The following CCSER1 variants were observed in gnomAD, a reference collection of about 807,000 sequenced individuals.
The protein encoded by CCSER1 is serine-rich coiled-coil domain-containing protein 1.
CCSER1 carries 41 observed loss-of-function variants against 82.0 expected under a neutral mutation model. That is an observed-to-expected ratio of 0.50 (90% CI 0.39 to 0.65). CCSER1 has a LOEUF of 0.65. Among genes scored for constraint, CCSER1 ranks in the 30% least tolerant of loss-of-function variants. The pLI, the probability that CCSER1 is intolerant of heterozygous loss-of-function variation, is 0.00. For synonymous variants in CCSER1, 414 were observed against 383.9 expected, an observed-to-expected ratio of 1.08 and a Z score of -0.92; for missense variants, 1,119 against 1,064.2, an observed-to-expected ratio of 1.05 and a Z score of -0.72.
At chr4:91,391,055 GT>G (rs1751615002) in intron 10 of CCSER1, among the ~76,000 whole-genome samples, 1 of 151,098 alleles carries the variant, frequency 6.6e-6, no homozygotes, top group African/African-American at 2.4e-5. Flanking sequence ...TCTATTTCCT[GT>G]TTTAAGTTAT....
At chr4:91,154,617 C>T (rs188751670) in intron 10 of CCSER1, among the ~76,000 whole-genome samples, 106 of 152,152 alleles carry the variant, frequency 7.0e-4, no homozygotes, top group African/African-American at 2.3e-3. Flanking sequence ...GCATCACTCA[C>T]GCTGGGAGCT....
intron 6 of CCSER1, chr4:90,641,850 T>A (rs1726586575): frequency 4.4e-6 from 1 of 228,380 alleles, no homozygotes. Flanking sequence ...TGTACCTAAC[T>A]GGTGTGGTAA....
intron 8 of CCSER1, among the ~76,000 whole-genome samples, chr4:90,903,907 A>G (rs1260845706): frequency 5.9e-5 from 9 of 152,134 alleles, no homozygotes; most frequent in South Asian, 2.1e-4. Flanking sequence ...ATAGACATAC[A>G]TGAATTTTTA....
At chr4:91,289,764 C>A (rs1252666334) in intron 10 of CCSER1, among the ~76,000 whole-genome samples, 2 of 151,760 alleles carry the variant, frequency 1.3e-5, no homozygotes, top group African/African-American at 4.8e-5. Flanking sequence ...TAATTGAAAT[C>A]CCAATGGAAG....
intron 10 of CCSER1, among the ~76,000 whole-genome samples, chr4:91,504,726 T>C (rs1217636275): frequency 6.6e-6 from 1 of 150,442 alleles, no homozygotes; most frequent in Non-Finnish European, 1.5e-5. Flanking sequence ...TAATAGTTAT[T>C]TAGCCAATAG....
chr4:91,117,718 C>T (rs1366927039), intron 10 of CCSER1, among the ~76,000 whole-genome samples: 1 of 152,116 alleles, frequency 6.6e-6, no homozygotes, highest in Non-Finnish European at 1.5e-5. Context: ...TGATTAAGAG[C>T]ATCAGTTTTG....
intron 6 of CCSER1, among the ~76,000 whole-genome samples, chr4:90,701,397 T>C (rs937378594): frequency 4.6e-5 from 7 of 152,220 alleles, no homozygotes; most frequent in African/African-American, 1.7e-4. Context: ...CCTTATAGTA[T>C]AGTTTGATAT....
intron 8 of CCSER1, among the ~76,000 whole-genome samples, chr4:90,919,064 A>C (rs542561263): frequency 1.4e-5 from 2 of 144,668 alleles, no homozygotes; most frequent in African/African-American, 5.2e-5. Flanking sequence ...GGTAAATCTT[A>C]AGTAATCTTA....
chr4:90,214,297 CTA>C (rs1169962692), intron 1 of CCSER1, among the ~76,000 whole-genome samples: 1 of 151,968 alleles, frequency 6.6e-6, no homozygotes, highest in African/African-American at 2.4e-5. Context: ...CAAAATGCTT[CTA>C]TGTTTTCAGT....
chr4:91,396,169 T>C (rs1751968366), intron 10 of CCSER1, among the ~76,000 whole-genome samples: 1 of 152,138 alleles, frequency 6.6e-6, no homozygotes, highest in South Asian at 2.1e-4. Context: ...TATGCAGTTA[T>C]TATTGACCTG....
At chr4:90,619,157 A>G (rs2083201934) in intron 5 of CCSER1, among the ~76,000 whole-genome samples, 1 of 151,950 alleles carries the variant, frequency 6.6e-6, no homozygotes, top group African/African-American at 2.4e-5. Flanking sequence ...CTACAATGGA[A>G]CTGAACTTCT....
intron 5 of CCSER1, among the ~76,000 whole-genome samples, chr4:90,498,687 G>T (rs1221924963): frequency 1.3e-5 from 2 of 152,110 alleles, no homozygotes; most frequent in African/African-American, 4.8e-5. Flanking sequence ...TCTAAGTCTT[G>T]TCTGTGTTTT....
chr4:90,762,644 A>T (rs1750583814), intron 7 of CCSER1, among the ~76,000 whole-genome samples: 1 of 152,160 alleles, frequency 6.6e-6, no homozygotes, highest in South Asian at 2.1e-4. Flanking sequence ...TTCTAATAAT[A>T]GCACTTAGAT....
intron 10 of CCSER1, among the ~76,000 whole-genome samples, chr4:91,576,962 A>G (rs1351301273): frequency 6.7e-6 from 1 of 149,600 alleles, no homozygotes; most frequent in Non-Finnish European, 1.5e-5. Context: ...AAAACATCAC[A>G]TTGTATACCT....
chr4:90,691,847 C>T (rs879257921), intron 6 of CCSER1, among the ~76,000 whole-genome samples: 10 of 151,768 alleles, frequency 6.6e-5, no homozygotes, highest in African/African-American at 9.7e-5. Flanking sequence ...TCCTCACCCC[C>T]ATTCTACCTT....
Position 90,261,270 on chromosome 4 carries a change from G to T in CCSER1, c.-41-46974G>T, listed in dbSNP as rs1275057376. 2.7e-5 allele frequency among the ~76,000 whole-genome samples: 4 copies of T among 150,684 alleles called. No homozygotes were observed. The East Asian group carries it at 7.7e-4, about 29-fold the overall frequency. ...TTTGGTTCAAGATTTAGAACTTTTA[G>T]CATTTTTCGTAGTGCTGGTTTGGTA... On this transcript the variant is annotated intron_variant, in intron 1 of 10. Transcript: ENST00000509176.
At chr4:90,564,969 C>G (rs1338433795) in intron 5 of CCSER1, among the ~76,000 whole-genome samples, 3 of 151,818 alleles carry the variant, frequency 2.0e-5, no homozygotes, top group Admixed American at 1.3e-4. Context: ...TGTCTCTAAC[C>G]TCATTCTTTT....
chr4:90,760,032 G>T (rs1750182114), intron 7 of CCSER1, among the ~76,000 whole-genome samples: 1 of 151,776 alleles, frequency 6.6e-6, no homozygotes, highest in Admixed American at 6.6e-5. Flanking sequence ...AAGCTTTATG[G>T]ATTTCTTTAG....
intron 1 of CCSER1, among the ~76,000 whole-genome samples, chr4:90,271,199 G>T (rs1357670126): frequency 6.6e-6 from 1 of 152,022 alleles, no homozygotes; most frequent in Admixed American, 6.6e-5. Flanking sequence ...TGAACAAAAA[G>T]AAGAAGACTG....
Sources: gnomAD v4.1 joint callset for allele counts (sites outside exome capture counted in the v4.1 genomes callset) on GRCh38, gnomAD v4.1.1 for gene constraint, MANE v1.5 for transcripts, NCBI Gene and HGNC (gene_info 2026-07-23, HGNC 2026-07-21) for gene names.